The following TRIM66 variants were observed in gnomAD, a reference collection of about 807,000 sequenced individuals.
The protein encoded by TRIM66 is tripartite motif-containing protein 66.
TRIM66 carries 99 observed loss-of-function variants against 148.2 expected under a neutral mutation model. That is an observed-to-expected ratio of 0.67 (90% CI 0.57 to 0.79). TRIM66 has a LOEUF of 0.79. TRIM66 is among the 30% of genes least tolerant of loss of function. The pLI, the probability that TRIM66 is intolerant of heterozygous loss-of-function variation, is 0.00. For missense variants in TRIM66, 1,666 were observed against 1,697.9 expected, an observed-to-expected ratio of 0.98 and a Z score of 0.33; for synonymous variants, 616 against 635.9, an observed-to-expected ratio of 0.97 and a Z score of 0.47.
At chr11:8,631,936 T>C (rs1450241023) in intron 15 of TRIM66, among the ~76,000 whole-genome samples, 1 of 152,126 alleles carries the variant, frequency 6.6e-6, no homozygotes, top group Non-Finnish European at 1.5e-5. Context: ...AACTGACCAC[T>C]GTGTAAATAT....
At chr11:8,652,379 A>G (rs1206564443) in intron 6 of TRIM66, among the ~76,000 whole-genome samples, 1 of 152,022 alleles carries the variant, frequency 6.6e-6, no homozygotes, top group Non-Finnish European at 1.5e-5. Context: ...AGAAGGCTTT[A>G]GTCAGAGAAA....
intron 12 of TRIM66, among the ~76,000 whole-genome samples, chr11:8,644,104 G>A (rs796164752): frequency 2.6e-5 from 4 of 152,274 alleles, no homozygotes; most frequent in African/African-American, 7.2e-5. Context: ...ACAAGTTCAT[G>A]CTCTTTCAGA....
intron 6 of TRIM66, among the ~76,000 whole-genome samples, chr11:8,652,520 T>C (rs1314236283): frequency 6.6e-6 from 1 of 152,136 alleles, no homozygotes; most frequent in East Asian, 1.9e-4. Flanking sequence ...AGATGCATCA[T>C]ATATATGTAT....
chr11:8,618,505 C>T (rs181469742), intron 24 of TRIM66, among the ~76,000 whole-genome samples: 31 of 152,310 alleles, frequency 2.0e-4, no homozygotes, highest in Non-Finnish European at 3.7e-4. Flanking sequence ...AGGTCTGCTG[C>T]TAAATGCTGG....
intron 15 of TRIM66, among the ~76,000 whole-genome samples, chr11:8,637,425 G>C (rs2035979121): frequency 6.6e-6 from 1 of 152,084 alleles, no homozygotes; most frequent in Non-Finnish European, 1.5e-5. Context: ...AAACATCTAA[G>C]AGCCACAAAG....
intron 4 of TRIM66, among the ~76,000 whole-genome samples, chr11:8,673,532 G>C (rs1226959535): frequency 6.6e-6 from 1 of 152,120 alleles, no homozygotes; most frequent in African/African-American, 2.4e-5. Flanking sequence ...ACAAAATGAT[G>C]CATGTTTTAC....
intron 13 of TRIM66, among the ~76,000 whole-genome samples, chr11:8,642,292 G>A (rs1020193341): frequency 1.3e-5 from 2 of 152,226 alleles, no homozygotes; most frequent in Non-Finnish European, 2.9e-5. Context: ...GGTCTGCTGA[G>A]TTAAATCAAA....
Position 8,618,909 on chromosome 11 carries a change from C to T in TRIM66, c.3960G>A (p.Leu1320=). The stretch of plus-strand genomic sequence containing the variant: ...ACCGTTTCTCCGGGTAGATCTCCTT[C>T]AACCAGCCCTCAAAGAACACTTCCA... ...RCLEVFFEGW[L]KEIYPEKRFA... is the part of the protein sequence containing the mutation. Residue 1320 remains leucine (L), a synonymous_variant, in exon 24 of 25, where the codon TTG becomes TTA. Transcript: ENST00000646038. The T allele has an allele frequency of 6.5e-7, 1 of 1,548,922 alleles. No homozygotes were observed. The highest frequency in any genetic ancestry group is 8.7e-7 in the Non-Finnish European group (1 of 1,146,142).
chr11:8,674,442 C>A (rs1371730984), intron 4 of TRIM66, among the ~76,000 whole-genome samples: 1 of 152,142 alleles, frequency 6.6e-6, no homozygotes, highest in African/African-American at 2.4e-5. Context: ...GGAGGGCAGT[C>A]GTGCGAAGTT....
At chr11:8,622,380 A>ATG (rs1432274921) in intron 18 of TRIM66, among the ~76,000 whole-genome samples, 1 of 128,488 alleles carries the variant, frequency 7.8e-6, no homozygotes, top group Non-Finnish European at 1.7e-5. Context: ...ATATATATAT[A>ATG]TATCTCCTAC....
intron 6 of TRIM66, among the ~76,000 whole-genome samples, chr11:8,658,493 G>A (rs978912628): frequency 3.3e-5 from 5 of 152,034 alleles, no homozygotes; most frequent in African/African-American, 1.2e-4. Flanking sequence ...GCCCCGATCC[G>A]GCAGCTCATT....
chr11:8,673,126 G>C (rs954772880), intron 4 of TRIM66, among the ~76,000 whole-genome samples: 3 of 148,718 alleles, frequency 2.0e-5, no homozygotes, highest in Non-Finnish European at 4.5e-5. Flanking sequence ...ATTTTTAGTA[G>C]AGACGGGGTT....
chr11:8,621,958 C>A, intron 18 of TRIM66, 139 bp from the exon 19 acceptor site: 2 of 935,682 alleles, frequency 2.1e-6, no homozygotes, highest in Non-Finnish European at 3.0e-6. Flanking sequence ...AAGTATTTAT[C>A]CTGGGTGTGT....
intron 6 of TRIM66, among the ~76,000 whole-genome samples, chr11:8,653,064 T>A (rs2037503028): frequency 6.6e-6 from 1 of 152,214 alleles, no homozygotes; most frequent in Admixed American, 6.5e-5. Flanking sequence ...ACTTTGGAGT[T>A]CAAAAGATTC....
At position 8,648,406 on chromosome 11, in the gene TRIM66, T is replaced by G. The variant is rs2037056253; in HGVS notation, c.725+10A>C. 3.2e-6 allele frequency: 5 copies of G among 1,550,982 alleles called. No homozygotes were observed. The highest frequency in any genetic ancestry group is 4.4e-6 in the Non-Finnish European group (5 of 1,146,850). On this transcript the variant is annotated intron_variant, in intron 9 of 24. Coordinates refer to ENST00000646038, the MANE Select transcript of TRIM66 (RefSeq NM_001388022.1). ...TCCCCAGCCCATTTCAGGCAGTCTG[T>G]CAGCCCCACCTGTGTTCTTTGTGTT...
At chr11:8,620,179 GA>G in intron 21 of TRIM66, 55 bp from the exon 22 acceptor site, 2 of 1,493,444 alleles carry the variant, frequency 1.3e-6, no homozygotes, top group Non-Finnish European at 1.8e-6. Context: ...ACCTCAGTAT[GA>G]ACTAAAGATG....
chr11:8,660,339 C>T (rs752320685), intron 6 of TRIM66, among the ~76,000 whole-genome samples: 26 of 152,174 alleles, frequency 1.7e-4, no homozygotes, highest in African/African-American at 5.3e-4. Flanking sequence ...ACACTATTCC[C>T]TACCTGGGAG....
At chr11:8,658,393 C>G (rs187956175) in intron 6 of TRIM66, among the ~76,000 whole-genome samples, 1 of 152,318 alleles carries the variant, frequency 6.6e-6, no homozygotes, top group Non-Finnish European at 1.5e-5. Flanking sequence ...GCTCGGGAGA[C>G]AGCACTCTCA....
upstream of TRIM66, chr11:8,683,165 A>G: frequency 3.7e-6 from 6 of 1,607,436 alleles, no homozygotes; most frequent in Non-Finnish European, 5.1e-6. Flanking sequence ...CCTGCCCCTA[A>G]TTCCTTAGGC....
Sources: gnomAD v4.1 joint callset for allele counts (sites outside exome capture counted in the v4.1 genomes callset) on GRCh38, gnomAD v4.1.1 for gene constraint, MANE v1.5 for transcripts, NCBI Gene and HGNC (gene_info 2026-07-23, HGNC 2026-07-21) for gene names.